Variants in NELL1 observed in about 807,000 individuals in gnomAD.
NELL1 encodes protein kinase C-binding protein NELL1.
In NELL1, 76 loss-of-function variants were observed where a neutral mutation model predicts 107.4. The ratio of observed to expected loss-of-function variants is 0.71; its 90% CI spans 0.59 to 0.86. NELL1 has a LOEUF of 0.86. NELL1 is among the 40% of genes least tolerant of loss of function. The pLI is 0.00. For missense variants in NELL1, 1,024 were observed against 1,005.5 expected, an observed-to-expected ratio of 1.02 and a Z score of -0.25; for synonymous variants, 353 against 341.2, an observed-to-expected ratio of 1.03 and a Z score of -0.38.
intron 14 of NELL1, among the ~76,000 whole-genome samples, chr11:21,357,942 A>T (rs1006170466): frequency 1.3e-5 from 2 of 152,216 alleles, no homozygotes; most frequent in African/African-American, 4.8e-5. Flanking sequence ...TTTGTAGAAG[A>T]TCACTTGACT....
intron 12 of NELL1, among the ~76,000 whole-genome samples, chr11:21,071,394 C>T (rs191060667): frequency 1.3e-5 from 2 of 152,160 alleles, no homozygotes; most frequent in Non-Finnish European, 2.9e-5. Context: ...ACATATTGGC[C>T]TCTCAATAAA....
intron 12 of NELL1, among the ~76,000 whole-genome samples, chr11:21,061,874 C>G (rs1034964912): frequency 1.3e-5 from 2 of 152,138 alleles, no homozygotes; most frequent in Non-Finnish European, 2.9e-5. Context: ...AGGTAAATCT[C>G]TTTAGGAATG....
At chr11:21,433,044 C>T (rs1025092552) in intron 15 of NELL1, among the ~76,000 whole-genome samples, 2 of 152,114 alleles carry the variant, frequency 1.3e-5, no homozygotes, top group African/African-American at 4.8e-5. Flanking sequence ...CTATAATGAC[C>T]ATAATTTTAC....
At chr11:21,411,141 G>T (rs531998952) in intron 15 of NELL1, among the ~76,000 whole-genome samples, 1 of 152,034 alleles carries the variant, frequency 6.6e-6, no homozygotes, top group Non-Finnish European at 1.5e-5. Context: ...AAGTAAAGAA[G>T]TAGTATCTAA....
At chr11:21,127,646 A>C (rs1855516378) in intron 13 of NELL1, among the ~76,000 whole-genome samples, 2 of 152,006 alleles carry the variant, frequency 1.3e-5, no homozygotes, top group Admixed American at 1.3e-4. Flanking sequence ...GAGGAGGGGG[A>C]GGACAGGGAG....
chr11:20,845,315 G>T (rs1306591619), intron 3 of NELL1, among the ~76,000 whole-genome samples: 1 of 152,164 alleles, frequency 6.6e-6, no homozygotes, highest in East Asian at 1.9e-4. Flanking sequence ...TGATCTTTAA[G>T]AGATCTGTTT....
intron 14 of NELL1, among the ~76,000 whole-genome samples, chr11:21,286,110 A>G (rs1849109810): frequency 6.6e-6 from 1 of 152,190 alleles, no homozygotes. Flanking sequence ...CACTTAGACC[A>G]TAGAAAGTTT....
chr11:20,718,718 G>A (rs5004854), intron 2 of NELL1, among the ~76,000 whole-genome samples: 105,708 of 152,062 alleles, frequency 0.7, 40,341 homozygotes, highest in East Asian at 0.95. Flanking sequence ...TGTAATCTTC[G>A]TTAGTCTGGA....
chr11:21,508,142 T>C (rs7938915), intron 15 of NELL1, among the ~76,000 whole-genome samples: 149,011 of 152,200 alleles, frequency 0.98, 73,012 homozygotes, highest in East Asian at 1. Flanking sequence ...GTAGCACTAA[T>C]AGGAGAAAGA....
chr11:21,088,817 T>C (rs868445804), intron 12 of NELL1, among the ~76,000 whole-genome samples: 9 of 152,174 alleles, frequency 5.9e-5, no homozygotes, highest in African/African-American at 2.2e-4. Context: ...AGAATTTTCA[T>C]CAGCATTTAA....
At chr11:20,961,228 C>A (rs1038091153) in intron 12 of NELL1, among the ~76,000 whole-genome samples, 8 of 152,138 alleles carry the variant, frequency 5.3e-5, no homozygotes, top group African/African-American at 1.9e-4. Flanking sequence ...CTGCAACCTG[C>A]TAGTGGTGAG....
At chr11:21,128,612 C>G (rs1244462065) in intron 13 of NELL1, among the ~76,000 whole-genome samples, 2 of 152,174 alleles carry the variant, frequency 1.3e-5, no homozygotes, top group Middle Eastern at 3.4e-3. Context: ...TCAAGCAGAT[C>G]GTCCATTTAA....
intron 15 of NELL1, 141 bp downstream of exon 15, chr11:21,371,089 A>G: frequency 3.2e-6 from 2 of 622,300 alleles, no homozygotes; most frequent in Non-Finnish European, 5.4e-6. Flanking sequence ...GAGCTCTCCC[A>G]AAGTGGGTAC....
At chr11:20,842,151 C>T (rs1401538508) in intron 3 of NELL1, among the ~76,000 whole-genome samples, 2 of 151,954 alleles carry the variant, frequency 1.3e-5, no homozygotes, top group East Asian at 1.9e-4. Flanking sequence ...CCGAGGTGGG[C>T]GGATCACTTG....
At chr11:21,129,807 A>C (rs1255975709) in intron 13 of NELL1, among the ~76,000 whole-genome samples, 1 of 152,184 alleles carries the variant, frequency 6.6e-6, no homozygotes, top group Admixed American at 6.5e-5. Flanking sequence ...TAGTTTTACA[A>C]GATGAAAAGA....
chr11:21,080,138 T>C (rs1369480634), intron 12 of NELL1, among the ~76,000 whole-genome samples: 1 of 152,104 alleles, frequency 6.6e-6, no homozygotes, highest in Non-Finnish European at 1.5e-5. Context: ...ATTCCCATTA[T>C]ATTCCTATAC....
chr11:21,251,762 A>G (rs868373765), intron 14 of NELL1, among the ~76,000 whole-genome samples: 1 of 152,072 alleles, frequency 6.6e-6, no homozygotes, highest in South Asian at 2.1e-4. Flanking sequence ...AGGAGGTTCA[A>G]GGCGATGGAA....
chr11:20,797,578 A>G (rs1857197726), intron 3 of NELL1, among the ~76,000 whole-genome samples: 1 of 150,654 alleles, frequency 6.6e-6, no homozygotes, highest in South Asian at 2.1e-4. Context: ...AAAAAAAAAA[A>G]AAAAAAAAAG....
chr11:21,376,574 G>A (rs1851486296), intron 15 of NELL1, among the ~76,000 whole-genome samples: 2 of 151,806 alleles, frequency 1.3e-5, no homozygotes, highest in African/African-American at 4.8e-5. Context: ...ATTTTTTTCT[G>A]GTTCAGTGAA....
Sources: gnomAD v4.1 joint callset for allele counts (sites outside exome capture counted in the v4.1 genomes callset) on GRCh38, gnomAD v4.1.1 for gene constraint, MANE v1.5 for transcripts, NCBI Gene and HGNC (gene_info 2026-07-23, HGNC 2026-07-21) for gene names.